Variants in TXNDC11 observed in about 807,000 individuals in gnomAD.
The protein encoded by TXNDC11 is thioredoxin domain-containing protein 11.
TXNDC11 carries 68 observed loss-of-function variants against 78.0 expected under a neutral mutation model. That is an observed-to-expected ratio of 0.87 (90% CI 0.72 to 1.07). The LOEUF (loss-of-function observed/expected upper bound fraction) is 1.07. Ranked by LOEUF, TXNDC11 falls within the 50% of genes least tolerant of loss-of-function variation. The probability of loss-of-function intolerance (pLI) is 0.00; values close to 1 mark genes in which losing one functional copy is unlikely to be tolerated. For missense variants in TXNDC11, 1,389 were observed against 1,221.8 expected, an observed-to-expected ratio of 1.14 and a Z score of -2.04; for synonymous variants, 571 against 495.2, an observed-to-expected ratio of 1.15 and a Z score of -2.03.
chr16:11,725,113 C>T (rs1454339678), intron 4 of TXNDC11, among the ~76,000 whole-genome samples: 2 of 152,106 alleles, frequency 1.3e-5, no homozygotes, highest in African/African-American at 4.8e-5. Flanking sequence ...GATCTCCTGG[C>T]AAGTTCATTT....
intron 5 of TXNDC11, among the ~76,000 whole-genome samples, chr16:11,706,522 A>T (rs1435187435): frequency 6.6e-6 from 1 of 152,218 alleles, no homozygotes; most frequent in Non-Finnish European, 1.5e-5. Context: ...TTTGAGCAGA[A>T]ATGGTCTTGT....
Position 11,700,517 on chromosome 16 carries a change from C to T in TXNDC11, c.841G>A (p.Ala281Thr). ...GAGTGTACTAAGGATACCAGTTTCG[C>T]AAGATGTTTATTTGTGATAACCCCA... The part of the protein sequence containing the change: ...RFGVITNKHL[A>T]KLVSLVHSGS... Residue 281 changes from alanine (A) to threonine (T), a missense_variant, in exon 6 of 12, where the codon GCG becomes ACG. By Grantham distance (58) the Ala-to-Thr change is moderately conservative (BLOSUM62 0). Coordinates refer to ENST00000283033, the MANE Select transcript of TXNDC11 (RefSeq NM_015914.7). 1 of 1,607,818 alleles carries T rather than the reference C, an allele frequency of 6.2e-7. No individual in the cohort carries two copies. Among genetic ancestry groups the T allele is most frequent in the Non-Finnish European group, 8.5e-7 (1 of 1,174,510 alleles).
chr16:11,693,665 C>T (rs1339702182), intron 7 of TXNDC11, among the ~76,000 whole-genome samples: 1 of 152,104 alleles, frequency 6.6e-6, no homozygotes, highest in African/African-American at 2.4e-5. Flanking sequence ...TATAACCCAC[C>T]AGAAAACTAC....
rs34963301 is a variant in TXNDC11, at chr16:11,703,509, T to TACACACAC, written c.794-2953_794-2946dup. ...ATGAGTATAAACTTAAGGCTTTTGA[T>TACACACAC]ACACACACACACACACACACACACA... On this transcript the variant is annotated intron_variant, in intron 5 of 11. Coordinates refer to ENST00000283033, the MANE Select transcript of TXNDC11 (RefSeq NM_015914.7). Among the ~76,000 whole-genome samples, 158 of 145,040 alleles carry TACACACAC rather than the reference T, an allele frequency of 1.1e-3. 2 individuals are homozygous for TACACACAC. In the East Asian group the frequency reaches 0.014, roughly 12 times the overall value.
At chr16:11,695,019 A>G (rs1295649282) in intron 7 of TXNDC11, among the ~76,000 whole-genome samples, 1 of 152,264 alleles carries the variant, frequency 6.6e-6, no homozygotes, top group Non-Finnish European at 1.5e-5. Context: ...CCAGATTCAG[A>G]CGATGTGAAT....
intron 7 of TXNDC11, among the ~76,000 whole-genome samples, chr16:11,695,382 C>T (rs1163679262): frequency 6.6e-6 from 1 of 152,212 alleles, no homozygotes; most frequent in Admixed American, 6.5e-5. Context: ...ATTCCACTCA[C>T]TCTAAGATGA....
chr16:11,692,110 G>T, intron 7 of TXNDC11, 28 bp from the exon 8 acceptor site: 1 of 1,503,962 alleles, frequency 6.6e-7, no homozygotes, highest in Non-Finnish European at 8.9e-7. Flanking sequence ...GTTGGTGAAG[G>T]GCTTGGGGAT....
Position 11,679,787 on chromosome 16 carries a change from T to C in TXNDC11, c.2285A>G (p.Asn762Ser). 3.1e-6 allele frequency: 5 copies of C among 1,613,888 alleles called. No homozygotes were observed. The highest frequency in any genetic ancestry group is 4.2e-6 in the Non-Finnish European group (5 of 1,179,928). ...YPEDVPITLP[N>S]LLRFILHHSD... is the part of the protein sequence containing the mutation. ...GTGATGCAAAATGAACCTCAACAGG[T>C]TTGGAAGGGTGATGGGGACGTCTTC... Residue 762 changes from asparagine (N) to serine (S), a missense_variant, in exon 12 of 12, where the codon AAC becomes AGC. By Grantham distance (46) the Asn-to-Ser change is conservative (BLOSUM62 1). Coordinates refer to ENST00000283033, the MANE Select transcript of TXNDC11 (RefSeq NM_015914.7). This position sits in a 1 kb window ranked among gnomAD's most constrained non-coding sequence, Gnocchi z 4.6.
At chr16:11,698,420 T>C (rs1467579201) in intron 6 of TXNDC11, 95 bp from the exon 7 acceptor site, 1 of 1,115,884 alleles carries the variant, frequency 9.0e-7, no homozygotes, top group African/African-American at 1.6e-5. Flanking sequence ...CCACTAAGGG[T>C]GAGAAAACCC....
At chr16:11,717,658 A>T (rs1381761197) in intron 5 of TXNDC11, among the ~76,000 whole-genome samples, 1 of 150,182 alleles carries the variant, frequency 6.7e-6, no homozygotes. Flanking sequence ...CGTCTCTACT[A>T]AAAATACAAA....
chr16:11,701,756 C>A (rs967525450), intron 5 of TXNDC11, among the ~76,000 whole-genome samples: 3 of 152,122 alleles, frequency 2.0e-5, no homozygotes, highest in East Asian at 1.9e-4. Flanking sequence ...ACAAAGGAAA[C>A]ATCAAGTATT....
At chr16:11,726,231 T>C (rs1176958508) in intron 4 of TXNDC11, among the ~76,000 whole-genome samples, 1 of 151,912 alleles carries the variant, frequency 6.6e-6, no homozygotes, top group Non-Finnish European at 1.5e-5. Context: ...TAGCGCAATG[T>C]GATATTGGTA....
chr16:11,698,429 C>T lies in TXNDC11; in HGVS notation c.907-104G>A, dbSNP rs2050919199. 8 of 1,001,366 alleles carry T rather than the reference C, an allele frequency of 8.0e-6. No homozygotes were observed. In the South Asian group the frequency reaches 1.1e-4, roughly 14 times the overall value. The allele number at this position is 1,001,366 out of a possible 1,614,324, so 62.0% of individuals were successfully genotyped here. On this transcript the variant is annotated intron_variant, in intron 6 of 11. Transcript: ENST00000283033. ...ACCCCACCACTAAGGGTGAGAAAAC[C>T]CAGGCGTGGAGCGGGGCCTGGCCCC...
rs577939694 is a variant in TXNDC11 at position 11,719,251 on chromosome 16, G to A, written c.793+2326C>T. Among the ~76,000 whole-genome samples the A allele has an allele frequency of 1.5e-4, 23 of 152,276 alleles. No individual in the cohort carries two copies. In the South Asian group the frequency reaches 4.3e-3, roughly 29 times the overall value. ...ACCCTTTTATATAGTCTTCATTAAG[G>A]TCTGTCTTCTGTGAAGGGCTTTATT... On this transcript the variant is annotated intron_variant, in intron 5 of 11. Transcript: ENST00000283033.
intron 5 of TXNDC11, among the ~76,000 whole-genome samples, chr16:11,715,216 A>C (rs1443983659): frequency 2.0e-5 from 3 of 152,188 alleles, no homozygotes; most frequent in African/African-American, 7.2e-5. Context: ...CGGATGTCTC[A>C]AAAACAAAAC....
chr16:11,732,732 A>T (rs529612599), intron 3 of TXNDC11, among the ~76,000 whole-genome samples: 2 of 152,328 alleles, frequency 1.3e-5, no homozygotes, highest in East Asian at 3.9e-4. Flanking sequence ...AGTTCCTGGG[A>T]GTCAATACTA....
rs113606355 is a variant in TXNDC11, at chr16:11,726,861, C to A, written c.699+3784G>T. On this transcript the variant is annotated intron_variant, in intron 4 of 11. Coordinates refer to ENST00000283033, the MANE Select transcript of TXNDC11 (RefSeq NM_015914.7). Reference sequence around the variant, plus strand: ...CTTGAGGCTAGGAGTTCAAGACCAGCCTGGCCAAATGGTGAAACCCCATCT... The same window carrying A: ...CTTGAGGCTAGGAGTTCAAGACCAGACTGGCCAAATGGTGAAACCCCATCT... Among the ~76,000 whole-genome samples the A allele has an allele frequency of 2.6e-3, 396 of 152,170 alleles. 2 individuals are homozygous for A. The highest frequency in any genetic ancestry group is 9.0e-3 in the African/African-American group (374 of 41,516).
chr16:11,687,554 T>C (rs1366707585), intron 10 of TXNDC11, among the ~76,000 whole-genome samples: 1 of 152,176 alleles, frequency 6.6e-6, no homozygotes, highest in Non-Finnish European at 1.5e-5. Context: ...AACTGTCCCA[T>C]GGTATTCCAC....
intron 5 of TXNDC11, among the ~76,000 whole-genome samples, chr16:11,720,905 C>G (rs752359211): frequency 4.6e-5 from 7 of 151,278 alleles, no homozygotes; most frequent in Non-Finnish European, 1.0e-4. Context: ...CCACACGTGC[C>G]TAATTTTTGT....
Sources: allele counts gnomAD v4.1 joint callset (sites outside exome capture counted in the v4.1 genomes callset), GRCh38; gene constraint gnomAD v4.1.1; non-coding constraint Gnocchi (gnomAD v3.1); transcripts MANE v1.5; gene names NCBI Gene and HGNC (gene_info 2026-07-23, HGNC 2026-07-21).